NELFA: variants seen among roughly 807,000 people sequenced by gnomAD.
NELFA encodes negative elongation factor A.
Under a neutral mutation model 51.8 loss-of-function variants are expected in NELFA, and 35 were observed. The ratio of observed to expected loss-of-function variants is 0.68; its 90% CI spans 0.52 to 0.90. The LOEUF (loss-of-function observed/expected upper bound fraction) is 0.90. Among genes scored for constraint, NELFA ranks in the 40% least tolerant of loss-of-function variants. The probability of loss-of-function intolerance (pLI) is 0.00; values close to 1 mark genes in which losing one functional copy is unlikely to be tolerated. For missense variants in NELFA, 658 were observed against 746.4 expected (o/e 0.88, Z 1.38); for synonymous variants, 417 against 338.4 (o/e 1.23, Z -2.55).
chr4:1,989,659 T>A lies in NELFA; in HGVS notation c.544+49A>T. ...GGTACCTTAGAACCTAAGAAACCTATGACTGGAAACTACAAAGACAATGCC... is the reference window on the plus strand; with the variant it reads ...GGTACCTTAGAACCTAAGAAACCTAAGACTGGAAACTACAAAGACAATGCC... On this transcript the variant is annotated intron_variant, in intron 3 of 10. Transcript: ENST00000382882. This position sits in a 1 kb window ranked among gnomAD's most constrained non-coding sequence, Gnocchi z 4.8. The A allele has an allele frequency of 1.9e-6, 3 of 1,578,462 alleles. No individual in the cohort carries two copies. Among genetic ancestry groups the A allele is most frequent in the Non-Finnish European group, 2.6e-6 (3 of 1,162,392 alleles).
Position 2,008,967 on chromosome 4 carries a change from G to C in NELFA, c.-8C>G. 4 of 1,552,862 alleles carry C rather than the reference G, an allele frequency of 2.6e-6. No homozygotes were observed. The highest frequency in any genetic ancestry group is 3.5e-6 in the Non-Finnish European group (4 of 1,147,826). Reference sequence around the variant, plus strand: ...CTCCCGCATGGACGCCATCTTGGGGGAAAGCGCGCGCCGCTGCCCCGGCAT... The same window carrying C: ...CTCCCGCATGGACGCCATCTTGGGGCAAAGCGCGCGCCGCTGCCCCGGCAT... On this transcript the variant is annotated 5_prime_UTR_variant, in exon 1 of 11. Transcript: ENST00000382882.
chr4:1,992,790 G>A (rs1376334987), intron 1 of NELFA, among the ~76,000 whole-genome samples: 1 of 152,210 alleles, frequency 6.6e-6, no homozygotes, highest in Non-Finnish European at 1.5e-5. Flanking sequence ...GGCTCGAAGG[G>A]CAGAGATCAG....
Position 1,983,561 on chromosome 4 carries a change from C to T in NELFA, c.1402+35G>A, listed in dbSNP as rs778339006. On this transcript the variant is annotated intron_variant, in intron 10 of 10. Transcript: ENST00000382882. ...TGGGGGCACCCGCCCCCAACCCGGC[C>T]CGGTGCACCCCCAGGCCCTGCCTTA... is the stretch of plus-strand genomic sequence containing the variant. The T allele has an allele frequency of 2.5e-6, 4 of 1,612,368 alleles. No homozygotes were observed. The Admixed American group carries it at 5.0e-5, about 20-fold the overall frequency.
At chr4:2,000,164 A>C (rs1005077868) in intron 1 of NELFA, among the ~76,000 whole-genome samples, 8 of 152,350 alleles carry the variant, frequency 5.3e-5, no homozygotes, top group Non-Finnish European at 8.8e-5. Context: ...CCCATATCAG[A>C]AAGCTAGAAA....
chr4:2,007,088 T>C (rs1369512150), intron 1 of NELFA: 4 of 387,172 alleles, frequency 1.0e-5, no homozygotes, highest in Admixed American at 2.7e-5. Context: ...TGAAACCCTG[T>C]AGTCCCAGCT....
At position 1,987,934 on chromosome 4, in the gene NELFA, C is replaced by T. The variant is rs1323905474; in HGVS notation, c.618G>A (p.Arg206=). The change falls in exon 4 of 11, where the codon CGG becomes CGA. Residue 206 remains arginine, a synonymous_variant. Coordinates refer to ENST00000382882, the MANE Select transcript of NELFA (RefSeq NM_005663.5). Reference sequence around the variant, plus strand: ...GGGCCTTACTGGTGGTGTCCATCTTCCGCAGCAGCCCCCGGCCCTTGGCGT... The same window carrying T: ...GGGCCTTACTGGTGGTGTCCATCTTTCGCAGCAGCCCCCGGCCCTTGGCGT... ...PFHAKGRGLL[R]KMDTTTPLKG... is the part of the protein sequence containing the mutation. 6.2e-7 allele frequency: 1 copy of T among 1,608,184 alleles called. No homozygotes were observed. The highest frequency in any genetic ancestry group is 8.5e-7 in the Non-Finnish European group (1 of 1,178,512).
intron 1 of NELFA, among the ~76,000 whole-genome samples, chr4:2,006,498 A>G (rs1728713489): frequency 1.3e-5 from 2 of 152,162 alleles, no homozygotes; most frequent in Admixed American, 1.3e-4. Flanking sequence ...GGCTGGGCGC[A>G]CAGATCACAC....
Position 2,008,962 on chromosome 4 carries a change from T to TG in NELFA, c.-4dup, listed in dbSNP as rs1491413513. ...TCGCTCTCCCGCATGGACGCCATCT[T>TG]GGGGGAAAGCGCGCGCCGCTGCCCC... On this transcript the variant is annotated 5_prime_UTR_variant, in exon 1 of 11. Coordinates refer to ENST00000382882, the MANE Select transcript of NELFA (RefSeq NM_005663.5). The TG allele has an allele frequency of 1.0e-5, 16 of 1,555,356 alleles. No individual in the cohort carries two copies. The highest frequency in any genetic ancestry group is 1.4e-5 in the Non-Finnish European group (16 of 1,149,272).
intron 1 of NELFA, chr4:2,007,067 G>C: frequency 1.2e-5 from 4 of 345,792 alleles, no homozygotes; most frequent in South Asian, 8.7e-5. Context: ...AGACCAGCCT[G>C]GGCAGCATGG....
At chr4:2,006,993 C>T in intron 1 of NELFA, 1 of 172,880 alleles carries the variant, frequency 5.8e-6, no homozygotes, top group Non-Finnish European at 1.3e-5. Flanking sequence ...TGCCATGGCT[C>T]ACACCTGTAA....
chr4:1,988,161 C>A (rs949493255), intron 3 of NELFA, among the ~76,000 whole-genome samples, 154 bp from the exon 4 acceptor site: 1 of 152,258 alleles, frequency 6.6e-6, no homozygotes, highest in Non-Finnish European at 1.5e-5. Context: ...GGGCCTGACA[C>A]CAGCTCGCAC....
chr4:1,987,849 G>A (rs560773393), intron 4 of NELFA, 69 bp downstream of exon 4: 62 of 1,294,710 alleles, frequency 4.8e-5, no homozygotes, highest in East Asian at 4.4e-4. Context: ...AACAGGGAGC[G>A]GGTCTCCAGG....
chr4:1,983,316 G>A lies in NELFA; in HGVS notation c.*3C>T. 1 of 1,613,420 alleles carries A rather than the reference G, an allele frequency of 6.2e-7. No individual in the cohort carries two copies. Among genetic ancestry groups the A allele is most frequent in the Non-Finnish European group, 8.5e-7 (1 of 1,179,544 alleles). The stretch of plus-strand genomic sequence containing the variant: ...GTGACGGCCAGCTGTGAGGCAGGTG[G>A]TTCTAGGACACATTGGTCATGGGCT... On this transcript the variant is annotated 3_prime_UTR_variant, in exon 11 of 11. Coordinates refer to ENST00000382882, the MANE Select transcript of NELFA (RefSeq NM_005663.5).
At chr4:1,983,789 G>A (rs1727984096) in intron 9 of NELFA, 59 bp downstream of exon 9, 3 of 1,590,744 alleles carry the variant, frequency 1.9e-6, no homozygotes, top group South Asian at 1.1e-5. Flanking sequence ...CGCTAGGGGA[G>A]GTGGCCAGGG....
chr4:1,983,960 G>T lies in NELFA; in HGVS notation c.1190C>A (p.Pro397His), dbSNP rs746843129. The part of the protein sequence containing the change: ...TPAAPTSPLT[P>H]TTPPAVAPTT... ...AGGGGCGACAGCCGGAGGTGTGGTG[G>T]GTGTCAGAGGCGAGGTGGGCGCCGC... is the stretch of plus-strand genomic sequence containing the variant. The change falls in exon 9 of 11, where the codon CCC becomes CAC. Residue 397 changes from proline (P) to histidine (H), a missense_variant. Pro to His is a moderately conservative substitution (Grantham distance 77, BLOSUM62 -2). This residue lies in a region of NELFA where 200 missense variants were observed against 167.9 expected (regional missense o/e 1.19). Transcript: ENST00000382882. 2 of 1,611,624 alleles carry T rather than the reference G, an allele frequency of 1.2e-6. No individual in the cohort carries two copies. Among genetic ancestry groups the T allele is most frequent in the East Asian group, 4.5e-5 (2 of 44,878 alleles).
chr4:2,000,324 T>TC (rs1358306348), intron 1 of NELFA, among the ~76,000 whole-genome samples: 6 of 148,990 alleles, frequency 4.0e-5, no homozygotes, highest in Admixed American at 3.3e-4. Flanking sequence ...CGAAAAACCC[T>TC]CCCCCCCAAA....
intron 6 of NELFA, 123 bp downstream of exon 6, chr4:1,985,991 C>A: frequency 7.4e-7 from 1 of 1,349,544 alleles, no homozygotes; most frequent in South Asian, 1.4e-5. Flanking sequence ...AGCAGGCACC[C>A]ACCCACGGAG....
At chr4:1,996,015 G>T (rs1728413082) in intron 1 of NELFA, among the ~76,000 whole-genome samples, 1 of 151,972 alleles carries the variant, frequency 6.6e-6, no homozygotes, top group South Asian at 2.1e-4. Flanking sequence ...GAATAGAATA[G>T]ATTTGTACAA....
intron 1 of NELFA, among the ~76,000 whole-genome samples, chr4:1,995,265 C>G (rs999123754): frequency 4.6e-5 from 7 of 152,206 alleles, no homozygotes; most frequent in African/African-American, 1.4e-4. Context: ...ATCACTGGCT[C>G]TCCTGGTGTG....
Sources: allele counts gnomAD v4.1 joint callset (sites outside exome capture counted in the v4.1 genomes callset), GRCh38; gene constraint gnomAD v4.1.1; regional missense constraint gnomAD v4.1.1; non-coding constraint Gnocchi (gnomAD v3.1); transcripts MANE v1.5; gene names NCBI Gene and HGNC (gene_info 2026-07-23, HGNC 2026-07-21).